Variants in GDA observed in about 807,000 individuals in gnomAD.
GDA encodes cytoplasmic PSD-95 interactor.
Under a neutral mutation model 59.6 loss-of-function variants are expected in GDA, and 18 were observed. That is an observed-to-expected ratio of 0.30 (90% confidence interval 0.21 to 0.45). The LOEUF is 0.45. GDA is among the 20% of genes least tolerant of loss of function. The pLI is 1.00. For missense variants in GDA, 427 were observed against 552.3 expected (o/e 0.77, Z 2.27); for synonymous variants, 201 against 201.1 (o/e 1.00, Z 0.00).
At chr9:72,195,370 T>A in intron 1 of GDA, 130 bp from the exon 2 acceptor site, 2 of 196,040 alleles carry the variant, frequency 1.0e-5, no homozygotes, top group Non-Finnish European at 1.9e-5. Context: ...CTAAACTCAA[T>A]TCCATTTGGT....
chr9:72,226,556 A>T (rs893603380), intron 8 of GDA, among the ~76,000 whole-genome samples: 1 of 152,216 alleles, frequency 6.6e-6, no homozygotes, highest in Non-Finnish European at 1.5e-5. Context: ...AGACCTCATT[A>T]CAATAATGTA....
At chr9:72,176,335 G>A (rs1035595530) in intron 1 of GDA, among the ~76,000 whole-genome samples, 19 of 152,284 alleles carry the variant, frequency 1.2e-4, no homozygotes, top group Middle Eastern at 3.4e-3. Flanking sequence ...TTTTATGAGC[G>A]AGTCTTAAAA....
intron 10 of GDA, among the ~76,000 whole-genome samples, chr9:72,231,936 A>G (rs963835879): frequency 3.3e-5 from 5 of 152,248 alleles, no homozygotes; most frequent in Admixed American, 3.3e-4. Context: ...AGACCTCTCC[A>G]TATCCACAGG....
intron 1 of GDA, among the ~76,000 whole-genome samples, chr9:72,166,051 A>T (rs550061483): frequency 6.6e-6 from 1 of 152,220 alleles, no homozygotes; most frequent in Non-Finnish European, 1.5e-5. Flanking sequence ...TCTAGTTGAG[A>T]AAAACAACAC....
chr9:72,216,350 T>A (rs1391570565), intron 5 of GDA, among the ~76,000 whole-genome samples: 2 of 152,188 alleles, frequency 1.3e-5, no homozygotes, highest in Admixed American at 1.3e-4. Context: ...TTCTGATAAC[T>A]ACAAGTAAGA....
chr9:72,154,288 G>A (rs1190513528), intron 1 of GDA, among the ~76,000 whole-genome samples: 3 of 152,122 alleles, frequency 2.0e-5, no homozygotes, highest in Non-Finnish European at 2.9e-5. Flanking sequence ...CTGAGCCTCC[G>A]TTTCCTCATT....
Position 72,129,276 on chromosome 9 carries a change from T to TA in GDA, c.-100+14451dup, listed in dbSNP as rs201209784. ...CTGTGCCCAGTCTCTTTCTTTTGAT[T>TA]AAAAAAAATATTCAAACTTTCAACA... On this transcript the variant is annotated intron_variant, in intron 1 of 13. Transcript: ENST00000545168. Among the ~76,000 whole-genome samples, 830 of 150,704 alleles carry TA rather than the reference T, an allele frequency of 5.5e-3. 8 individuals carry two copies. Among genetic ancestry groups the TA allele is most frequent in the African/African-American group, 0.018 (750 of 40,560 alleles).
At position 72,210,695 on chromosome 9, in the gene GDA, A is replaced by G. The variant is rs1587659267; in HGVS notation, c.393A>G (p.Thr131=). The change falls in exon 4 of 14, where the codon ACA becomes ACG. Residue 131 remains threonine (T), a synonymous_variant. Transcript: ENST00000358399. ...TTGTGATTTATTTTTAGAGGAGAAC[A>G]CTAAAGAATGGAACAACCACAGCTT... The part of the protein sequence containing the change: ...EEVYTRVVRR[T]LKNGTTTACY... The G allele has an allele frequency of 6.3e-7, 1 of 1,597,660 alleles. No homozygotes were observed.
intron 1 of GDA, among the ~76,000 whole-genome samples, chr9:72,133,105 A>G (rs938464513): frequency 5.3e-5 from 8 of 151,992 alleles, no homozygotes; most frequent in African/African-American, 1.7e-4. Context: ...CCCGGCCAAC[A>G]TCGTGAAACT....
chr9:72,173,336 T>C (rs1830191329), intron 1 of GDA, among the ~76,000 whole-genome samples: 1 of 138,096 alleles, frequency 7.2e-6, no homozygotes, highest in South Asian at 2.3e-4. Flanking sequence ...CTTCCCCTTC[T>C]TTTTTTTTTT....
chr9:72,251,027 C>A lies in GDA; in HGVS notation c.*2685C>A. 3.6e-6 allele frequency: 2 copies of A among 550,516 alleles called. No individual in the cohort carries two copies. The highest frequency in any genetic ancestry group is 6.4e-6 in the Non-Finnish European group (2 of 311,100). 34.1% of individuals were successfully genotyped at this position (550,516 alleles called of 1,614,324 possible). ...CAAGGAGACTGTTCCCTAATTTATTCTCTTGGCTGGTTCTCTCATTGAATT... is the reference window on the plus strand; with the variant it reads ...CAAGGAGACTGTTCCCTAATTTATTATCTTGGCTGGTTCTCTCATTGAATT... On this transcript the variant is annotated 3_prime_UTR_variant, in exon 14 of 14. Coordinates refer to ENST00000358399, the MANE Select transcript of GDA (RefSeq NM_004293.5).
At chr9:72,128,439 A>G (rs1176685752) in intron 1 of GDA, among the ~76,000 whole-genome samples, 1 of 152,132 alleles carries the variant, frequency 6.6e-6, no homozygotes, top group Admixed American at 6.6e-5. Context: ...TAATAATGAT[A>G]ATGATTTTAA....
intron 1 of GDA, among the ~76,000 whole-genome samples, chr9:72,151,370 C>G (rs991371280): frequency 1.5e-4 from 23 of 152,118 alleles, no homozygotes; most frequent in Admixed American, 1.2e-3. Flanking sequence ...TGTTGCTCTC[C>G]TCTCCTCCTA....
At chr9:72,120,127 G>A (rs1484357789) in intron 1 of GDA, among the ~76,000 whole-genome samples, 2 of 151,682 alleles carry the variant, frequency 1.3e-5, no homozygotes, top group Non-Finnish European at 2.9e-5. Context: ...TTATCAATAG[G>A]ATTTATGAGT....
intron 1 of GDA, among the ~76,000 whole-genome samples, chr9:72,159,782 T>C (rs999074553): frequency 3.9e-5 from 6 of 152,216 alleles, no homozygotes; most frequent in Non-Finnish European, 7.3e-5. Flanking sequence ...TTTGGAGCTA[T>C]GGAGGATAAT....
chr9:72,191,654 C>T (rs1182205672), intron 1 of GDA, among the ~76,000 whole-genome samples: 8 of 151,964 alleles, frequency 5.3e-5, no homozygotes, highest in South Asian at 2.1e-4. Flanking sequence ...GGCGCAATCT[C>T]GGCTCACTGC....
At chr9:72,124,516 TCAC>T (rs1265478164) in intron 1 of GDA, among the ~76,000 whole-genome samples, 1 of 152,128 alleles carries the variant, frequency 6.6e-6, no homozygotes, top group Non-Finnish European at 1.5e-5. Context: ...TGTGGAGAAA[TCAC>T]CAATAATATG....
chr9:72,146,740 C>T (rs1163804749), upstream of GDA, among the ~76,000 whole-genome samples: 1 of 152,212 alleles, frequency 6.6e-6, no homozygotes, highest in Admixed American at 6.5e-5. Context: ...GATCCGCCCT[C>T]CTCAGCCTCC....
At chr9:72,216,896 C>T (rs570118794) in intron 5 of GDA, among the ~76,000 whole-genome samples, 1 of 152,084 alleles carries the variant, frequency 6.6e-6, no homozygotes, top group Non-Finnish European at 1.5e-5. Context: ...AGGATGCTCT[C>T]GATCTCCTGA....
Sources: gnomAD v4.1 joint callset for allele counts (sites outside exome capture counted in the v4.1 genomes callset) on GRCh38, gnomAD v4.1.1 for gene constraint, MANE v1.5 for transcripts, NCBI Gene and HGNC (gene_info 2026-07-23, HGNC 2026-07-21) for gene names.